Variants in NAALADL2 observed in about 807,000 individuals in gnomAD.
NAALADL2 encodes inactive N-acetylated-alpha-linked acidic dipeptidase-like protein 2.
In NAALADL2, 76 loss-of-function variants were observed where a neutral mutation model predicts 87.2. That is an observed-to-expected ratio of 0.87 (90% CI 0.72 to 1.05). NAALADL2 has a LOEUF of 1.05. Among genes scored for constraint, NAALADL2 ranks in the 50% least tolerant of loss-of-function variants. The probability of loss-of-function intolerance (pLI) is 0.00; values close to 1 mark genes in which losing one functional copy is unlikely to be tolerated. For missense variants in NAALADL2, 1,089 were observed against 945.8 expected (o/e 1.15, Z -1.99); for synonymous variants, 354 against 331.0 (o/e 1.07, Z -0.75).
chr3:175,764,140 T>TATTTAAATATAATTAA (rs1454011031), intron 13 of NAALADL2, among the ~76,000 whole-genome samples: 1 of 149,948 alleles, frequency 6.7e-6, no homozygotes, highest in East Asian at 1.9e-4. Flanking sequence ...ATTTTAATTA[T>TATTTAAATATAATTAA]ATTTAAATAT....
At chr3:175,141,551 G>A (rs7631390) in intron 2 of NAALADL2, among the ~76,000 whole-genome samples, 19,827 of 151,920 alleles carry the variant, frequency 0.13, 1,436 homozygotes, top group African/African-American at 0.19. Context: ...TATCCAATAT[G>A]AACTTTGCTA....
chr3:175,169,686 T>C (rs539808208), intron 2 of NAALADL2, among the ~76,000 whole-genome samples: 1 of 151,774 alleles, frequency 6.6e-6, no homozygotes, highest in Non-Finnish European at 1.5e-5. Context: ...GCATCCCTTG[T>C]CATTTTCTGT....
intron 1 of NAALADL2, among the ~76,000 whole-genome samples, chr3:175,013,667 C>G (rs563376565): frequency 6.6e-6 from 1 of 151,838 alleles, no homozygotes; most frequent in South Asian, 2.1e-4. Context: ...ATTAAATGTT[C>G]CATTTGAGAA....
At chr3:175,621,872 T>G (rs1289124055) in intron 10 of NAALADL2, among the ~76,000 whole-genome samples, 1 of 152,146 alleles carries the variant, frequency 6.6e-6, no homozygotes, top group Admixed American at 6.5e-5. Context: ...AAAGGATAAC[T>G]GTACCTAAGT....
chr3:174,840,293 CATT>C (rs1053420486), intron 3 of NAALADL2, among the ~76,000 whole-genome samples: 3 of 151,542 alleles, frequency 2.0e-5, no homozygotes, highest in African/African-American at 7.3e-5. Context: ...GTTATTTTTT[CATT>C]ATTCTATTAT....
rs527463082 is a variant in NAALADL2, at chr3:175,742,688, C to T, written c.1990+5289C>T. ...CTGGGATTACAGGCGTGAGCCACCG[C>T]GCCCGGCCCTATGTAATGTAAGTTT... On this transcript the variant is annotated intron_variant, in intron 12 of 13. Transcript: ENST00000454872. Among the ~76,000 whole-genome samples, 17 of 152,202 alleles carry T rather than the reference C, an allele frequency of 1.1e-4. No homozygotes were observed. The South Asian group carries it at 1.5e-3, about 13-fold the overall frequency.
intron 3 of NAALADL2, among the ~76,000 whole-genome samples, chr3:174,790,456 C>T (rs1389944365): frequency 2.0e-5 from 3 of 151,934 alleles, no homozygotes; most frequent in African/African-American, 7.3e-5. Flanking sequence ...TCGAGACCAG[C>T]CTGGCCAACA....
At chr3:174,871,935 A>G (rs1054054352) in intron 1 of NAALADL2, among the ~76,000 whole-genome samples, 1 of 151,336 alleles carries the variant, frequency 6.6e-6, no homozygotes, top group Non-Finnish European at 1.5e-5. Context: ...CCTTGTTTTA[A>G]GAAAAATGAT....
At chr3:175,558,166 A>G (rs75067231) in intron 9 of NAALADL2, among the ~76,000 whole-genome samples, 19,581 of 144,312 alleles carry the variant, frequency 0.14, 1,429 homozygotes, top group Middle Eastern at 0.19. Context: ...CTGCACTCCA[A>G]CCTGGGCAAC....
At chr3:175,759,503 G>C (rs1439827709) in intron 13 of NAALADL2, among the ~76,000 whole-genome samples, 1 of 151,920 alleles carries the variant, frequency 6.6e-6, no homozygotes, top group Non-Finnish European at 1.5e-5. Flanking sequence ...GATTACAGGC[G>C]CATGCCACCA....
intron 1 of NAALADL2, among the ~76,000 whole-genome samples, chr3:174,894,039 A>G (rs1731193477): frequency 6.6e-6 from 1 of 152,206 alleles, no homozygotes; most frequent in South Asian, 2.1e-4. Context: ...GGAAACCAAA[A>G]AGACCAGGAG....
intron 2 of NAALADL2, among the ~76,000 whole-genome samples, chr3:175,105,636 CACACAG>C (rs1415936006): frequency 4.1e-5 from 3 of 73,112 alleles, no homozygotes; most frequent in South Asian, 5.9e-4. Flanking sequence ...TTTGAGAATA[CACACAG>C]ACACACACAC....
intron 12 of NAALADL2, among the ~76,000 whole-genome samples, chr3:175,750,045 AACTT>A (rs2150121364): frequency 6.6e-6 from 1 of 152,288 alleles, no homozygotes; most frequent in South Asian, 2.1e-4. Context: ...ATAATATTTT[AACTT>A]ACTTCTAGCT....
At chr3:174,717,686 G>A (rs2108939308) in intron 2 of NAALADL2, among the ~76,000 whole-genome samples, 1 of 152,188 alleles carries the variant, frequency 6.6e-6, no homozygotes, top group East Asian at 1.9e-4. Context: ...GATTTCAAAT[G>A]CTCATGATTT....
At chr3:174,448,349 G>A (rs1408116424) in intron 1 of NAALADL2, among the ~76,000 whole-genome samples, 1 of 152,032 alleles carries the variant, frequency 6.6e-6, no homozygotes, top group African/African-American at 2.4e-5. Flanking sequence ...AAGATATAAA[G>A]CTATTTCATC....
At chr3:175,048,977 C>G (rs1289493397) in intron 1 of NAALADL2, among the ~76,000 whole-genome samples, 3 of 152,068 alleles carry the variant, frequency 2.0e-5, no homozygotes, top group African/African-American at 7.2e-5. Flanking sequence ...AGAAAAATAA[C>G]AGTATAAATT....
intron 2 of NAALADL2, among the ~76,000 whole-genome samples, chr3:174,699,334 A>G (rs528993835): frequency 6.6e-6 from 1 of 152,176 alleles, no homozygotes; most frequent in Non-Finnish European, 1.5e-5. Context: ...CGTCTCTACT[A>G]AAACAAAAAT....
At chr3:175,027,725 G>A (rs1309211952) in intron 1 of NAALADL2, among the ~76,000 whole-genome samples, 5 of 152,022 alleles carry the variant, frequency 3.3e-5, no homozygotes, top group Non-Finnish European at 7.4e-5. Context: ...ATATGACACA[G>A]ATAAAAACAC....
chr3:175,151,363 T>C (rs1416613975), intron 2 of NAALADL2, among the ~76,000 whole-genome samples: 1 of 152,196 alleles, frequency 6.6e-6, no homozygotes, highest in African/African-American at 2.4e-5. Flanking sequence ...GTCTGTTGGT[T>C]ACACTGAACT....
Sources: allele counts gnomAD v4.1 joint callset (sites outside exome capture counted in the v4.1 genomes callset), GRCh38; gene constraint gnomAD v4.1.1; transcripts MANE v1.5; gene names NCBI Gene and HGNC (gene_info 2026-07-23, HGNC 2026-07-21).